The following SLAIN1 variants were observed in gnomAD, a reference collection of about 807,000 sequenced individuals.
The protein encoded by SLAIN1 is SLAIN family member 1.
SLAIN1 carries 17 observed loss-of-function variants against 55.4 expected under a neutral mutation model. The observed-to-expected ratio is 0.31, with a 90% confidence interval of 0.21 to 0.46. SLAIN1 has a LOEUF of 0.46. Ranked by LOEUF, SLAIN1 falls within the 20% of genes least tolerant of loss-of-function variation. The pLI, the probability that SLAIN1 is intolerant of heterozygous loss-of-function variation, is 1.00. For synonymous variants in SLAIN1, 348 were observed against 337.4 expected (o/e 1.03, Z -0.35); for missense variants, 682 against 785.1 (o/e 0.87, Z 1.57).
chr13:77,721,817 A>C (rs7331961), intron 2 of SLAIN1, among the ~76,000 whole-genome samples: 19,016 of 151,268 alleles, frequency 0.13, 2,114 homozygotes, highest in African/African-American at 0.3. Flanking sequence ...ATTATTAAAA[A>C]AATATGAAAA....
chr13:77,736,207 T>C (rs1198011954), intron 2 of SLAIN1, among the ~76,000 whole-genome samples: 1 of 152,142 alleles, frequency 6.6e-6, no homozygotes, highest in East Asian at 1.9e-4. Context: ...ATGAGGTTCT[T>C]TATTCCAGCC....
At chr13:77,721,143 G>GCGGTTTCCC (rs1488669277) in intron 2 of SLAIN1, among the ~76,000 whole-genome samples, 1 of 152,118 alleles carries the variant, frequency 6.6e-6, no homozygotes, top group African/African-American at 2.4e-5. Flanking sequence ...GATCATGGGG[G>GCGGTTTCCC]CGGTTTCCCC....
Position 77,719,638 on chromosome 13 carries a change from G to A in SLAIN1, c.733G>A (p.Ala245Thr), listed in dbSNP as rs770122257. Reference sequence around the variant, plus strand: ...TAACCCAACTCCTGAGATGGAAGCAGCGAGACGTTCCCTGTGCTTTAGACT... The same window carrying A: ...TAACCCAACTCCTGAGATGGAAGCAACGAGACGTTCCCTGTGCTTTAGACT... ...LDNPTPEMEA[A>T]RRSLCFRLEQ... The change falls in exon 2 of 7, where the codon GCG becomes ACG. Residue 245 changes from alanine (A) to threonine (T), a missense_variant. Transcript: ENST00000418532. 6.2e-7 allele frequency: 1 copy of A among 1,613,522 alleles called. No individual in the cohort carries two copies. Among genetic ancestry groups the A allele is most frequent in the Non-Finnish European group, 8.5e-7 (1 of 1,179,604 alleles).
At chr13:77,746,426 G>T in intron 3 of SLAIN1, 88 bp from the exon 4 acceptor site, 3 of 1,135,756 alleles carry the variant, frequency 2.6e-6, no homozygotes, top group Middle Eastern at 2.2e-4. Context: ...TAATTTATTT[G>T]GCACAATTTT....
chr13:77,761,099 A>G lies in SLAIN1; in HGVS notation c.1686A>G (p.Gln562=), dbSNP rs527239602. Residue 562 remains glutamine (Q), a synonymous_variant, in exon 6 of 7, where the codon CAA becomes CAG. Transcript: ENST00000418532. ...GSNLPRSKIA[Q]PVRSFLQPPK... Reference sequence around the variant, plus strand: ...ACCTGCCTCGAAGCAAAATTGCACAACCTGTTAGAAGGTAAGAATGTGTAT... The same window carrying G: ...ACCTGCCTCGAAGCAAAATTGCACAGCCTGTTAGAAGGTAAGAATGTGTAT... The G allele has an allele frequency of 1.8e-5, 29 of 1,614,098 alleles. No individual in the cohort carries two copies. The highest frequency in any genetic ancestry group is 5.0e-5 in the Admixed American group (3 of 59,998).
chr13:77,718,052 C>T (rs2091225048), intron 1 of SLAIN1, among the ~76,000 whole-genome samples: 1 of 151,542 alleles, frequency 6.6e-6, no homozygotes, highest in Admixed American at 6.6e-5. Flanking sequence ...TGATTTTTAA[C>T]TATATATACT....
At chr13:77,751,969 G>A (rs971340783) in intron 4 of SLAIN1, among the ~76,000 whole-genome samples, 1 of 151,946 alleles carries the variant, frequency 6.6e-6, no homozygotes, top group African/African-American at 2.4e-5. Context: ...TAGAGTTGTG[G>A]TCTTGTGGCT....
intron 2 of SLAIN1, among the ~76,000 whole-genome samples, chr13:77,731,901 T>C (rs1872884559): frequency 6.6e-6 from 1 of 152,110 alleles, no homozygotes; most frequent in Non-Finnish European, 1.5e-5. Context: ...ATTGAAATTA[T>C]GAAAAACAAA....
chr13:77,752,288 C>CTTTT (rs79381085), intron 4 of SLAIN1, among the ~76,000 whole-genome samples: 20,939 of 93,702 alleles, frequency 0.22, 1,715 homozygotes, highest in Non-Finnish European at 0.24. Flanking sequence ...TTCTAGGGTT[C>CTTTT]TTTTTTTTTT....
intron 4 of SLAIN1, among the ~76,000 whole-genome samples, chr13:77,748,309 G>T (rs1873971399): frequency 6.9e-6 from 1 of 145,456 alleles, no homozygotes; most frequent in African/African-American, 2.5e-5. Context: ...AAAGCTCATA[G>T]ATCAGAAAGA....
At chr13:77,728,165 AC>A (rs1284716819) in intron 2 of SLAIN1, among the ~76,000 whole-genome samples, 1 of 152,018 alleles carries the variant, frequency 6.6e-6, no homozygotes, top group Non-Finnish European at 1.5e-5. Context: ...CATCTTTCTA[AC>A]CCCCCTCTAC....
rs530275550 is a variant in SLAIN1 at position 77,703,076 on chromosome 13, TCAGCCAATATAAAATG to T, written c.626+4544_626+4559del. 2.0e-3 allele frequency among the ~76,000 whole-genome samples: 309 copies of T among 152,120 alleles called. 1 individual carries two copies. The highest frequency in any genetic ancestry group is 7.2e-3 in the African/African-American group (300 of 41,484). ...GAGAAAATGCCACGATAAAAATAAGTCAGCCAATATAAAATGCAGCCATATAAGGAGGCTTTATTTT... is the reference window on the plus strand; with the variant it reads ...GAGAAAATGCCACGATAAAAATAAGTCAGCCATATAAGGAGGCTTTATTTT... On this transcript the variant is annotated intron_variant, in intron 1 of 6. Coordinates refer to ENST00000418532, the MANE Select transcript of SLAIN1 (RefSeq NM_001242868.2).
chr13:77,722,071 C>T lies in SLAIN1; in HGVS notation c.766+2400C>T, dbSNP rs185307687. ...ATATTAGACTAAGTGCTTCATTATC[C>T]GATTTTCCTTTCATTGATGTGGAGC... On this transcript the variant is annotated intron_variant, in intron 2 of 6. Transcript: ENST00000418532. 1.3e-4 allele frequency among the ~76,000 whole-genome samples: 20 copies of T among 151,072 alleles called. No individual in the cohort carries two copies. The East Asian group carries it at 3.1e-3, about 23-fold the overall frequency.
At chr13:77,705,131 C>T (rs1031902213) in intron 1 of SLAIN1, among the ~76,000 whole-genome samples, 4 of 151,430 alleles carry the variant, frequency 2.6e-5, no homozygotes, top group Admixed American at 1.3e-4. Flanking sequence ...TTTGTATTAT[C>T]TGCAAAAAGA....
In SLAIN1 at chr13:77,761,153, T is replaced by C. The variant is rs1874991609; in HGVS notation, c.1697+43T>C. 3.1e-6 allele frequency: 5 copies of C among 1,590,384 alleles called. No homozygotes were observed. The South Asian group carries it at 5.6e-5, about 18-fold the overall frequency. On this transcript the variant is annotated intron_variant, in intron 6 of 6. Transcript: ENST00000418532. ...CGTAACTTCATTTGCAGTTTGGAAC[T>C]AGAAACTGCTCCAGACACACGCTGA...
Position 77,698,900 on chromosome 13 carries a change from G to A in SLAIN1, c.626+361G>A. 6.5e-7 allele frequency: 1 copy of A among 1,532,664 alleles called. No homozygotes were observed. The highest frequency in any genetic ancestry group is 8.7e-7 in the Non-Finnish European group (1 of 1,145,686). 94.9% of individuals were successfully genotyped at this position (1,532,664 alleles called of 1,614,324 possible). ...TTGCTCAGTGCTGCTCTTTTCCCCA[G>A]TGTTTTCGGAGGGATGACGGGGGAT... On this transcript the variant is annotated intron_variant, in intron 1 of 6. Transcript: ENST00000418532. This position sits in a 1 kb window ranked among gnomAD's most constrained non-coding sequence, Gnocchi z 4.1.
chr13:77,718,338 C>T (rs1053298742), intron 1 of SLAIN1, among the ~76,000 whole-genome samples: 1 of 152,038 alleles, frequency 6.6e-6, no homozygotes, highest in East Asian at 1.9e-4. Context: ...AACACAGCCA[C>T]GTTTATTCGC....
At chr13:77,721,607 GAGAT>G (rs1417739744) in intron 2 of SLAIN1, among the ~76,000 whole-genome samples, 4 of 151,598 alleles carry the variant, frequency 2.6e-5, no homozygotes, top group African/African-American at 9.7e-5. Flanking sequence ...TTTTTGAAAG[GAGAT>G]AGATAGTCAA....
At chr13:77,719,258 T>TAAA (rs11432686) in intron 1 of SLAIN1, among the ~76,000 whole-genome samples, 2 of 139,828 alleles carry the variant, frequency 1.4e-5, no homozygotes, top group African/African-American at 2.6e-5. Context: ...CTAGTTTAGT[T>TAAA]AAAAAAAAAA....
Sources: gnomAD v4.1 joint callset for allele counts (sites outside exome capture counted in the v4.1 genomes callset) on GRCh38, gnomAD v4.1.1 for gene constraint, Gnocchi (gnomAD v3.1) non-coding constraint, MANE v1.5 for transcripts, NCBI Gene and HGNC (gene_info 2026-07-23, HGNC 2026-07-21) for gene names.